PGBD2: variants seen among roughly 807,000 people sequenced by gnomAD.
The protein encoded by PGBD2 is piggyBac transposable element-derived protein 2.
Under a neutral mutation model 8.1 loss-of-function variants are expected in PGBD2, and 6 were observed. The ratio of observed to expected loss-of-function variants is 0.74; its 90% CI spans 0.40 to 1.46. PGBD2 has a LOEUF of 1.46. PGBD2 is among the 40% of genes most tolerant of loss of function. The pLI is 0.02. For missense variants in PGBD2, 802 were observed against 739.0 expected (o/e 1.09, Z -0.99); for synonymous variants, 318 against 272.2 (o/e 1.17, Z -1.66).
At chr1:248,892,616 G>C in the PGBD2 span, among the ~76,000 whole-genome samples, 1 of 152,100 alleles carries the variant, frequency 6.6e-6, no homozygotes, top group Non-Finnish European at 1.5e-5. Context: ...CTTCTCCTTT[G>C]GCATAATATA....
chr1:248,875,315 A>C, the PGBD2 span, among the ~76,000 whole-genome samples: 8 of 139,466 alleles, frequency 5.7e-5, no homozygotes, highest in South Asian at 4.2e-4. Flanking sequence ...AAACAAAAAA[A>C]AAAAAAAAAA....
chr1:248,900,678 G>A, the PGBD2 span, among the ~76,000 whole-genome samples: 1 of 152,116 alleles, frequency 6.6e-6, no homozygotes, highest in African/African-American at 2.4e-5. Flanking sequence ...TTAAAAACTG[G>A]CACAAGACAA....
At chr1:248,875,308 C>CAAAAAAAAAAAAAAAAAAAACAAA in the PGBD2 span, among the ~76,000 whole-genome samples, 1 of 110,254 alleles carries the variant, frequency 9.1e-6, no homozygotes, top group Non-Finnish European at 1.8e-5. Context: ...AAAAACAAAA[C>CAAAAAAAAAAAAAAAAAAAACAAA]AAAAAAAAAA....
chr1:248,880,347 G>A, the PGBD2 span, among the ~76,000 whole-genome samples: 11 of 152,256 alleles, frequency 7.2e-5, no homozygotes, highest in South Asian at 4.2e-4. Context: ...TTGTAATGTT[G>A]TTGTTGCCAG....
chr1:248,886,000 C>T, the PGBD2 span, among the ~76,000 whole-genome samples: 2 of 151,916 alleles, frequency 1.3e-5, no homozygotes, highest in East Asian at 3.9e-4. Context: ...AGTAATTTGT[C>T]TTAAGGTGTT....
At chr1:248,902,069 G>A (rs1661543276), upstream of PGBD2, among the ~76,000 whole-genome samples, 1 of 152,078 alleles carries the variant, frequency 6.6e-6, no homozygotes, top group Non-Finnish European at 1.5e-5. Flanking sequence ...AGGAGTTCAT[G>A]ACCAGCCTGG....
In PGBD2 at chr1:248,916,765, GA is replaced by G; in HGVS notation, c.182del (p.Asp61ValfsTer46). On this transcript the variant is annotated frameshift_variant, in exon 3 of 3. Coordinates refer to ENST00000329291, the MANE Select transcript of PGBD2 (RefSeq NM_170725.3). LOFTEE classifies it low-confidence loss of function (END_TRUNC). ...GGAATTCACTGATGAGGACTCAGGG[GA>G]TGAAGACAGCCAGCGAGGTGCTCAC... Reference protein sequence around the residue: ...AGEFTDEDSGDEDSQRGAHLP... With the variant: ...AGEFTDEDSGXEDSQRGAHLP... The G allele has an allele frequency of 6.2e-7, 1 of 1,614,192 alleles. No homozygotes were observed. The highest frequency in any genetic ancestry group is 8.5e-7 in the Non-Finnish European group (1 of 1,180,028).
the PGBD2 span, among the ~76,000 whole-genome samples, chr1:248,888,490 A>G: frequency 6.6e-6 from 1 of 152,092 alleles, no homozygotes; most frequent in East Asian, 1.9e-4. Context: ...TATTTCTCTG[A>G]TGATTAGTGA....
chr1:248,920,414 G>C (rs926379580), downstream of PGBD2, among the ~76,000 whole-genome samples: 1 of 151,792 alleles, frequency 6.6e-6, no homozygotes, highest in Non-Finnish European at 1.5e-5. Flanking sequence ...TTCTGTTCTT[G>C]TGATAGTTTG....
chr1:248,929,664 C>A, the PGBD2 span, among the ~76,000 whole-genome samples: 1 of 152,128 alleles, frequency 6.6e-6, no homozygotes, highest in African/African-American at 2.4e-5. Flanking sequence ...AGCTCAGACA[C>A]CATCATCATT....
downstream of PGBD2, among the ~76,000 whole-genome samples, chr1:248,920,341 C>G (rs1000186437): frequency 6.6e-6 from 1 of 152,046 alleles, no homozygotes; most frequent in South Asian, 2.1e-4. Flanking sequence ...GTTCCCCTCC[C>G]TATGTCCATG....
the PGBD2 span, among the ~76,000 whole-genome samples, chr1:248,875,750 G>A: frequency 2.0e-5 from 3 of 152,144 alleles, no homozygotes; most frequent in Non-Finnish European, 2.9e-5. Context: ...GACGGAACCA[G>A]GTCCATGCAC....
upstream of PGBD2, among the ~76,000 whole-genome samples, chr1:248,901,492 A>T (rs1190328079): frequency 6.6e-6 from 1 of 152,220 alleles, no homozygotes; most frequent in Non-Finnish European, 1.5e-5. Flanking sequence ...CAATGAAGAA[A>T]TAATTCTCTA....
chr1:248,899,723 G>C, the PGBD2 span, among the ~76,000 whole-genome samples: 1 of 147,630 alleles, frequency 6.8e-6, no homozygotes, highest in Non-Finnish European at 1.5e-5. Context: ...ACCAAGATCA[G>C]AGTAGAAATA....
At chr1:248,875,380 T>G in the PGBD2 span, among the ~76,000 whole-genome samples, 9 of 151,524 alleles carry the variant, frequency 5.9e-5, no homozygotes, top group Non-Finnish European at 1.2e-4. Flanking sequence ...CCCCCCAACT[T>G]GAAAGTCACA....
At chr1:248,913,910 T>G in intron 2 of PGBD2, 31 bp downstream of exon 2, 1 of 1,589,450 alleles carries the variant, frequency 6.3e-7, no homozygotes, top group Non-Finnish European at 8.6e-7. Flanking sequence ...AATGTTTTAT[T>G]GAAGAATTTA....
At chr1:248,883,773 AT>A in the PGBD2 span, among the ~76,000 whole-genome samples, 2 of 150,294 alleles carry the variant, frequency 1.3e-5, no homozygotes, top group Non-Finnish European at 3.0e-5. Flanking sequence ...ATTTTTTTGT[AT>A]TTTTAGTAGA....
the PGBD2 span, among the ~76,000 whole-genome samples, chr1:248,890,414 C>G: frequency 6.6e-6 from 1 of 152,120 alleles, no homozygotes; most frequent in Non-Finnish European, 1.5e-5. Flanking sequence ...GAAACAGATG[C>G]AATGGGATTA....
Position 248,911,460 on chromosome 1 carries a change from A to G in PGBD2, c.-47-2356A>G, listed in dbSNP as rs372515257. ...TAAGGTCACAGATCAACAGGATCCC[A>G]AGGCAGAAGAAGTTTTCTTAGTACA... is the stretch of plus-strand genomic sequence containing the variant. On this transcript the variant is annotated intron_variant, in intron 1 of 2. Coordinates refer to ENST00000329291, the MANE Select transcript of PGBD2 (RefSeq NM_170725.3). 1.5e-4 allele frequency among the ~76,000 whole-genome samples: 23 copies of G among 148,960 alleles called. No individual in the cohort carries two copies. The East Asian group carries it at 3.5e-3, about 23-fold the overall frequency.
Sources: gnomAD v4.1 joint callset for allele counts (sites outside exome capture counted in the v4.1 genomes callset) on GRCh38, gnomAD v4.1.1 for gene constraint, MANE v1.5 for transcripts, NCBI Gene and HGNC (gene_info 2026-07-23, HGNC 2026-07-21) for gene names.